Variants in KANSL3 observed in about 807,000 individuals in gnomAD.
KANSL3 encodes NSL complex protein NSL3.
A neutral mutation model predicts 89.2 loss-of-function variants in KANSL3; 16 were observed. The ratio of observed to expected loss-of-function variants is 0.18; its 90% CI spans 0.12 to 0.27. KANSL3 has a LOEUF of 0.27. Ranked by LOEUF, KANSL3 falls within the 10% of genes least tolerant of loss-of-function variation. The pLI is 1.00. For missense variants in KANSL3, 879 were observed against 1,110.6 expected, an observed-to-expected ratio of 0.79 and a Z score of 2.96; for synonymous variants, 385 against 419.7, an observed-to-expected ratio of 0.92 and a Z score of 1.01.
At position 96,602,769 on chromosome 2, in the gene KANSL3, G is replaced by A. The variant is rs1221312348; in HGVS notation, c.2243C>T (p.Pro748Leu). 7.5e-6 allele frequency: 12 copies of A among 1,602,994 alleles called. No homozygotes were observed. The highest frequency in any genetic ancestry group is 2.2e-5 in the East Asian group (1 of 44,842). The change falls in exon 18 of 21, where the codon CCA becomes CTA. Residue 748 changes from proline (P) to leucine (L), a missense_variant. Physicochemically the swap from Pro to Leu is moderately conservative, Grantham distance 98 (BLOSUM62 -3). Around this residue, in one of 6 missense-constraint regions of KANSL3, gnomAD observed 89 missense variants for 139.7 expected, o/e 0.64. Transcript: ENST00000431828. Reference protein sequence around the residue: ...KTSGLPANPSPGPAPQATSVK... With the variant: ...KTSGLPANPSLGPAPQATSVK... ...GATGTGCACCTGTGGGGCTGGTCCT[G>A]GGGAGGGATTTGCTGGAAGGCCAGA...
chr2:96,604,738 G>A (rs1177245763), intron 16 of KANSL3, 41 bp downstream of exon 16: 9 of 1,504,538 alleles, frequency 6.0e-6, no homozygotes, highest in East Asian at 2.4e-5. Flanking sequence ...CAGAGGGAAG[G>A]GAAAAAAGGA....
At chr2:96,593,066 A>G, downstream of KANSL3, 1 of 335,262 alleles carries the variant, frequency 3.0e-6, no homozygotes, top group Non-Finnish European at 5.9e-6. Context: ...GGTGATGATC[A>G]CTGGCCTTAC....
chr2:96,632,663 A>G lies in KANSL3; in HGVS notation c.216-1181T>C, dbSNP rs556225354. ...GGACAAGAACAGTACAAATGGAGAA[A>G]AGTGGCTAACAAGTTGATTGCCTAG... On this transcript the variant is annotated intron_variant, in intron 2 of 20. Transcript: ENST00000431828. 3.9e-5 allele frequency among the ~76,000 whole-genome samples: 6 copies of G among 152,284 alleles called. No individual in the cohort carries two copies. The East Asian group carries it at 7.7e-4, about 20-fold the overall frequency.
At position 96,593,912 on chromosome 2, in the gene KANSL3, T is replaced by C. The variant is rs767296724; in HGVS notation, c.*1699A>G. The C allele has an allele frequency of 1.3e-5, 2 of 152,528 alleles. 1 individual carries two copies. Among genetic ancestry groups the C allele is most frequent in the Non-Finnish European group, 2.9e-5 (2 of 68,202 alleles). 9.4% of individuals were successfully genotyped at this position (152,528 alleles called of 1,614,324 possible). ...CAAGTTTACTAAATACTTTCTGAAT[T>C]TAAGAATTTTGAGAAAGTCACCTAC... is the stretch of plus-strand genomic sequence containing the variant. On this transcript the variant is annotated 3_prime_UTR_variant, in exon 21 of 21. Coordinates refer to ENST00000431828, the MANE Select transcript of KANSL3 (RefSeq NM_001115016.3).
At chr2:96,611,901 A>G (rs1355136586) in intron 9 of KANSL3, among the ~76,000 whole-genome samples, 31 of 31,772 alleles carry the variant, frequency 9.8e-4, no homozygotes, top group African/African-American at 4.9e-3. Flanking sequence ...ATATATACCC[A>G]TATGTGTGTG....
the KANSL3 span, among the ~76,000 whole-genome samples, chr2:96,586,937 GTA>G: frequency 6.6e-6 from 1 of 152,100 alleles, no homozygotes; most frequent in Admixed American, 6.5e-5. Flanking sequence ...TCTATAACTA[GTA>G]TTTCTGGGTT....
chr2:96,612,626 A>T, intron 7 of KANSL3, 63 bp from the exon 8 acceptor site: 1 of 1,430,596 alleles, frequency 7.0e-7, no homozygotes. Flanking sequence ...AATTCTGTTT[A>T]ACCTAACCTA....
intron 12 of KANSL3, 21 bp from the exon 13 acceptor site, chr2:96,609,085 C>A: frequency 6.4e-7 from 1 of 1,550,408 alleles, no homozygotes; most frequent in Non-Finnish European, 8.7e-7. Context: ...GAGGAGCCAA[C>A]CAAGGCCTTT....
rs774667055 is a variant in KANSL3, at chr2:96,595,649, G to A, written c.2617-18C>T. On this transcript the variant is annotated intron_variant, in intron 20 of 20. Transcript: ENST00000431828. ...GGCAGGCGCTGTGGCAGGAGAGGTA[G>A]TGAAGAAGGGTCAAAGCTTTGACAG... 3 of 1,613,530 alleles carry A rather than the reference G, an allele frequency of 1.9e-6. No individual in the cohort carries two copies. Among genetic ancestry groups the A allele is most frequent in the South Asian group, 2.2e-5 (2 of 90,960 alleles).
chr2:96,614,117 AG>A (rs1158869367), intron 5 of KANSL3, among the ~76,000 whole-genome samples: 1 of 152,240 alleles, frequency 6.6e-6, no homozygotes. Flanking sequence ...ATTGAGACAA[AG>A]TCTCGCTCTG....
chr2:96,635,625 A>G (rs977640589), intron 2 of KANSL3, among the ~76,000 whole-genome samples: 2 of 152,240 alleles, frequency 1.3e-5, no homozygotes, highest in African/African-American at 4.8e-5. Flanking sequence ...TCTCCTGTAC[A>G]CCAAAAAAGC....
chr2:96,586,793 T>A, the KANSL3 span, among the ~76,000 whole-genome samples: 2 of 152,382 alleles, frequency 1.3e-5, no homozygotes, highest in African/African-American at 4.8e-5. Context: ...CTTCTACTTC[T>A]GTCCTCTATA....
chr2:96,607,177 G>T, intron 14 of KANSL3: 1 of 435,228 alleles, frequency 2.3e-6, no homozygotes, highest in Non-Finnish European at 4.3e-6. Context: ...ATGGCAACCT[G>T]ACTCTGCCAC....
chr2:96,604,313 G>C lies in KANSL3; in HGVS notation c.2086C>G (p.Pro696Ala). ...VPSVVSSSTA[P>A]SALHTLQSRL... The stretch of plus-strand genomic sequence containing the variant: ...CTCTGCAGTGTGTGCAAGGCACTGG[G>C]TGCAGTGCTGCTGGAGACCACTGAA... The change falls in exon 17 of 21, where the codon CCC becomes GCC. Residue 696 changes from proline to alanine, a missense_variant. Physicochemically the swap from Pro to Ala is conservative, Grantham distance 27 (BLOSUM62 -1). Transcript: ENST00000431828. The C allele has an allele frequency of 6.2e-7, 1 of 1,613,234 alleles. No individual in the cohort carries two copies. The highest frequency in any genetic ancestry group is 8.5e-7 in the Non-Finnish European group (1 of 1,179,684).
Position 96,612,442 on chromosome 2 carries a change from T to C in KANSL3, c.1014+20A>G. The C allele has an allele frequency of 2.5e-6, 4 of 1,609,678 alleles. No individual in the cohort carries two copies. The highest frequency in any genetic ancestry group is 3.4e-6 in the Non-Finnish European group (4 of 1,176,030). On this transcript the variant is annotated intron_variant, in intron 8 of 20. Transcript: ENST00000431828. The stretch of plus-strand genomic sequence containing the variant: ...GAATGCTGGGTATGCCACAATGTAC[T>C]GAAATACGGGCATTCTCACCTCCAG...
At position 96,608,633 on chromosome 2, in the gene KANSL3, G is replaced by A. The variant is rs2068369250; in HGVS notation, c.1616C>T (p.Ser539Phe). 4 of 1,614,044 alleles carry A rather than the reference G, an allele frequency of 2.5e-6. No homozygotes were observed. The highest frequency in any genetic ancestry group is 3.4e-6 in the Non-Finnish European group (4 of 1,179,896). ...TGTGGTCACTTTGGTCTTGGGACTG[G>A]AGGTGGGGCTGCTGGACACACTGGA... The part of the protein sequence containing the change: ...DLSSVSSSPT[S>F]SPKTKVTTVT... The change falls in exon 14 of 21, where the codon TCC becomes TTC. Residue 539 changes from serine to phenylalanine, a missense_variant. Coordinates refer to ENST00000431828, the MANE Select transcript of KANSL3 (RefSeq NM_001115016.3).
chr2:96,620,388 G>A (rs2071029559), intron 3 of KANSL3, among the ~76,000 whole-genome samples: 1 of 151,872 alleles, frequency 6.6e-6, no homozygotes, highest in Non-Finnish European at 1.5e-5. Context: ...TTTTTGAGAG[G>A]CCTGCTCCAT....
chr2:96,614,373 C>T (rs2069568018), intron 5 of KANSL3, among the ~76,000 whole-genome samples: 1 of 152,180 alleles, frequency 6.6e-6, no homozygotes, highest in Admixed American at 6.5e-5. Flanking sequence ...GGATTAAAGG[C>T]ATCAGCCACT....
Position 96,595,444 on chromosome 2 carries a change from ACC to A in KANSL3, c.*165_*166del. The A allele has an allele frequency of 1.6e-6, 1 of 620,080 alleles. No homozygotes were observed. The highest frequency in any genetic ancestry group is 2.2e-5 in the South Asian group (1 of 46,068). 38.4% of individuals were successfully genotyped at this position (620,080 alleles called of 1,614,324 possible). On this transcript the variant is annotated 3_prime_UTR_variant, in exon 21 of 21. Coordinates refer to ENST00000431828, the MANE Select transcript of KANSL3 (RefSeq NM_001115016.3). ...GTGCTTCCCTTGCTGGCACCGTATC[ACC>A]TAACCTAATGGTTTCTCTGAAGACA... is the stretch of plus-strand genomic sequence containing the variant.
Sources: allele counts gnomAD v4.1 joint callset (sites outside exome capture counted in the v4.1 genomes callset), GRCh38; gene constraint gnomAD v4.1.1; regional missense constraint gnomAD v4.1.1; transcripts MANE v1.5; gene names NCBI Gene and HGNC (gene_info 2026-07-23, HGNC 2026-07-21).